The following FAM149A variants were observed in gnomAD, a reference collection of about 807,000 sequenced individuals.
FAM149A encodes the protein family with sequence similarity 149 member A, also known as protein FAM149A.
FAM149A carries 71 observed loss-of-function variants against 78.2 expected under a neutral mutation model. The observed-to-expected ratio is 0.91, with a 90% CI of 0.75 to 1.11. The LOEUF (loss-of-function observed/expected upper bound fraction) is 1.11, where lower values mean the gene tolerates loss of function less well. Ranked by LOEUF, FAM149A falls within the 50% of genes least tolerant of loss-of-function variation. The pLI is 0.00. For synonymous variants in FAM149A, 446 were observed against 410.5 expected, an observed-to-expected ratio of 1.09 and a Z score of -1.04; for missense variants, 1,036 against 971.0, an observed-to-expected ratio of 1.07 and a Z score of -0.89.
At chr4:186,147,651 T>C (rs1315753514) in intron 1 of FAM149A, among the ~76,000 whole-genome samples, 6 of 152,246 alleles carry the variant, frequency 3.9e-5, no homozygotes, top group African/African-American at 1.4e-4. Context: ...TTAACTCCTA[T>C]ACCAGTATGT....
intron 1 of FAM149A, among the ~76,000 whole-genome samples, chr4:186,121,664 G>A (rs1342624891): frequency 2.6e-5 from 4 of 152,072 alleles, no homozygotes; most frequent in African/African-American, 9.7e-5. Context: ...TTACTATGAC[G>A]GCCCTGACAG....
In FAM149A at chr4:186,156,078, G is replaced by T; in HGVS notation, c.1308G>T (p.Pro436=). The T allele has an allele frequency of 6.2e-7, 1 of 1,613,860 alleles. No individual in the cohort carries two copies. The highest frequency in any genetic ancestry group is 8.5e-7 in the Non-Finnish European group (1 of 1,179,864). Residue 436 remains proline, a synonymous_variant, in exon 7 of 14, where the codon CCG becomes CCT. Transcript: ENST00000389354. Reference sequence around the variant, plus strand: ...AACTCGGACTTCCTCCTGTTTCCCCGCGTGACTGTGTCAAAGATGCCGTGG... The same window carrying T: ...AACTCGGACTTCCTCCTGTTTCCCCTCGTGACTGTGTCAAAGATGCCGTGG...
At chr4:186,139,325 G>T (rs1241213836) in intron 1 of FAM149A, among the ~76,000 whole-genome samples, 1 of 152,114 alleles carries the variant, frequency 6.6e-6, no homozygotes, top group Non-Finnish European at 1.5e-5. Flanking sequence ...TATTTGGTGT[G>T]GTCTGAATGT....
rs1488804810 is a variant in FAM149A, at chr4:186,141,810, T to TA, written c.567-7357dup. ...ATAGATCCCCAAGATAATAGGGCTT[T>TA]AAAAAATCATAAGAGAATTGGCCCC... On this transcript the variant is annotated intron_variant, in intron 1 of 13. Transcript: ENST00000389354. Among the ~76,000 whole-genome samples, 6 of 152,204 alleles carry TA rather than the reference T, an allele frequency of 3.9e-5. No homozygotes were observed. The East Asian group carries it at 5.8e-4, about 15-fold the overall frequency.
At chr4:186,124,179 G>A (rs568433894) in intron 1 of FAM149A, 1 of 985,210 alleles carries the variant, frequency 1.0e-6, no homozygotes, top group Non-Finnish European at 1.2e-6. Context: ...GAAATGCAAA[G>A]GCACTATATT....
chr4:186,128,222 C>T lies in FAM149A; in HGVS notation c.567-20951C>T, dbSNP rs182583153. ...CAGGCTGGTCTCGAAATCCCAGCCTCAGGTGATCCACCCACCTCTGCCTCC... is the reference window on the plus strand; with the variant it reads ...CAGGCTGGTCTCGAAATCCCAGCCTTAGGTGATCCACCCACCTCTGCCTCC... On this transcript the variant is annotated intron_variant, in intron 1 of 13. Transcript: ENST00000389354. Among the ~76,000 whole-genome samples, 246 of 152,144 alleles carry T rather than the reference C, an allele frequency of 1.6e-3. 1 individual carries two copies. Among genetic ancestry groups the T allele is most frequent in the African/African-American group, 5.6e-3 (233 of 41,502 alleles).
In FAM149A at chr4:186,165,326, CATG is replaced by C; in HGVS notation, c.1890-11_1890-9del. The stretch of plus-strand genomic sequence containing the variant: ...ATCCATGTACCTGGGTGCTCAGTGA[CATG>C]ATGATGTGTTGCAGGCCGACTGGCG... On this transcript the variant is annotated splice_polypyrimidine_tract_variant and intron_variant, in intron 10 of 13. Coordinates refer to ENST00000389354, the MANE Select transcript of FAM149A (RefSeq NM_001367768.3). 6.2e-7 allele frequency: 1 copy of C among 1,614,072 alleles called. No homozygotes were observed. Among genetic ancestry groups the C allele is most frequent in the Non-Finnish European group, 8.5e-7 (1 of 1,179,946 alleles).
rs1360038354 is a variant in FAM149A at position 186,151,804 on chromosome 4, C to CTGT, written c.790-98_790-97insGTT. 3 of 1,515,268 alleles carry CTGT rather than the reference C, an allele frequency of 2.0e-6. No individual in the cohort carries two copies. The East Asian group carries it at 7.4e-5, about 38-fold the overall frequency. The allele number at this position is 1,515,268 out of a possible 1,614,324, so 93.9% of individuals were successfully genotyped here. On this transcript the variant is annotated intron_variant, in intron 3 of 13. Coordinates refer to ENST00000389354, the MANE Select transcript of FAM149A (RefSeq NM_001367768.3). ...TCTTTTTACCAAGTGATGCACCCTCCTACATAGTGGGTGACAGTAAATGTA... is the reference window on the plus strand; with the variant it reads ...TCTTTTTACCAAGTGATGCACCCTCCTGTTACATAGTGGGTGACAGTAAATGTA...
intron 9 of FAM149A, 69 bp from the exon 10 acceptor site, chr4:186,163,355 G>T: frequency 7.7e-7 from 1 of 1,292,086 alleles, no homozygotes; most frequent in South Asian, 1.2e-5. Context: ...GCTCAACTAA[G>T]CACAGACAGG....
At chr4:186,170,686 G>A (rs1735452486) in intron 13 of FAM149A, among the ~76,000 whole-genome samples, 1 of 152,168 alleles carries the variant, frequency 6.6e-6, no homozygotes, top group African/African-American at 2.4e-5. Context: ...GGCACCAAGG[G>A]ACAGGAAACC....
intron 1 of FAM149A, among the ~76,000 whole-genome samples, chr4:186,136,994 C>CTCTCTCTCTCTT (rs2099323502): frequency 7.3e-6 from 1 of 136,462 alleles, no homozygotes; most frequent in African/African-American, 2.7e-5. Flanking sequence ...CTCTCTCTCT[C>CTCTCTCTCTCTT]TCTCTCTCTC....
At chr4:186,149,401 T>G in intron 2 of FAM149A, 118 bp downstream of exon 2, 1 of 1,099,668 alleles carries the variant, frequency 9.1e-7, no homozygotes, top group Non-Finnish European at 1.2e-6. Context: ...ATTTTTAACC[T>G]AGTGTAAACA....
At chr4:186,140,855 C>G (rs149767725) in intron 1 of FAM149A, among the ~76,000 whole-genome samples, 1 of 152,168 alleles carries the variant, frequency 6.6e-6, no homozygotes, top group African/African-American at 2.4e-5. Context: ...AGATACATGT[C>G]TACATCTATA....
At chr4:186,107,099 G>A (rs1481712858) in intron 1 of FAM149A, among the ~76,000 whole-genome samples, 1 of 152,144 alleles carries the variant, frequency 6.6e-6, no homozygotes, top group African/African-American at 2.4e-5. Context: ...GAATACATAT[G>A]CCTGAGGAAT....
chr4:186,125,785 G>A, intron 1 of FAM149A: 1 of 985,294 alleles, frequency 1.0e-6, no homozygotes, highest in Non-Finnish European at 1.2e-6. Flanking sequence ...TGGGCAAGCT[G>A]GGGCCATGAA....
chr4:186,167,418 A>C, intron 13 of FAM149A, 156 bp downstream of exon 13: 1 of 728,262 alleles, frequency 1.4e-6, no homozygotes, highest in East Asian at 2.7e-5. Context: ...AGAAACCTCG[A>C]TCACAGAGCA....
chr4:186,145,545 G>A (rs535634050), intron 1 of FAM149A, among the ~76,000 whole-genome samples: 2 of 152,322 alleles, frequency 1.3e-5, no homozygotes, highest in South Asian at 4.1e-4. Context: ...GCAGAGGTTT[G>A]TGGGCTGTCA....
rs1421316094 is a variant in FAM149A at position 186,144,980 on chromosome 4, C to T, written c.567-4193C>T. The T allele has an allele frequency of 2.0e-6, 2 of 977,384 alleles. No homozygotes were observed. Among genetic ancestry groups the T allele is most frequent in the Non-Finnish European group, 2.4e-6 (2 of 826,078 alleles). The allele number at this position is 977,384 out of a possible 1,614,324, so 60.5% of individuals were successfully genotyped here. A position where few individuals can be genotyped will look rare whatever the true frequency, so the allele number is the denominator to read the frequency against. On this transcript the variant is annotated intron_variant, in intron 1 of 13. Transcript: ENST00000389354. The surrounding 1 kb of genome is among the most constrained non-coding windows in gnomAD (Gnocchi z 4.2). The stretch of plus-strand genomic sequence containing the variant: ...GCGGGCGGGTGGGGAGCCCCAGCCC[C>T]GGGGCCGCGGGGGCGCGTGACCGGC...
chr4:186,160,233 CCA>C (rs1189476636), intron 8 of FAM149A, among the ~76,000 whole-genome samples: 5 of 140,282 alleles, frequency 3.6e-5, no homozygotes, highest in Non-Finnish European at 6.2e-5. Context: ...ACACCACTCA[CCA>C]CACACACCAC....
Sources: allele counts gnomAD v4.1 joint callset (sites outside exome capture counted in the v4.1 genomes callset), GRCh38; gene constraint gnomAD v4.1.1; non-coding constraint Gnocchi (gnomAD v3.1); transcripts MANE v1.5; gene names NCBI Gene and HGNC (gene_info 2026-07-23, HGNC 2026-07-21).